RGR: variants seen among roughly 807,000 people sequenced by gnomAD.
RGR encodes RPE-retinal G protein-coupled receptor.
Under a neutral mutation model 28.6 loss-of-function variants are expected in RGR, and 30 were observed. The observed-to-expected ratio is 1.05, with a 90% CI of 0.78 to 1.42. The LOEUF is 1.42. RGR is among the 40% of genes most tolerant of loss of function. The probability of loss-of-function intolerance (pLI) is 0.00; values close to 1 mark genes in which losing one functional copy is unlikely to be tolerated. For synonymous variants in RGR, 180 were observed against 156.4 expected (o/e 1.15, Z -1.13); for missense variants, 404 against 375.6 (o/e 1.08, Z -0.62).
chr10:84,252,262 T>A (rs766596511), intron 3 of RGR, among the ~76,000 whole-genome samples: 1 of 152,186 alleles, frequency 6.6e-6, no homozygotes, highest in Non-Finnish European at 1.5e-5. Context: ...GAGGGTGTCC[T>A]GGAAGCAGGG....
chr10:84,257,263 C>T (rs1177627415), intron 5 of RGR, among the ~76,000 whole-genome samples: 1 of 152,194 alleles, frequency 6.6e-6, no homozygotes, highest in East Asian at 1.9e-4. Flanking sequence ...GCATCTCCCG[C>T]TCTCTGGACA....
intron 3 of RGR, 27 bp downstream of exon 3, chr10:84,249,070 G>A: frequency 6.2e-7 from 1 of 1,613,328 alleles, no homozygotes; most frequent in Non-Finnish European, 8.5e-7. Flanking sequence ...CTGGAGTGGA[G>A]GGACACCGAT....
chr10:84,254,650 G>A (rs1387219162), intron 5 of RGR, among the ~76,000 whole-genome samples: 2 of 152,182 alleles, frequency 1.3e-5, no homozygotes, highest in Non-Finnish European at 2.9e-5. Flanking sequence ...CACCAGTTTG[G>A]TGTATTTTGG....
intron 6 of RGR, among the ~76,000 whole-genome samples, chr10:84,258,235 G>A (rs1033293217): frequency 5.9e-5 from 9 of 152,124 alleles, no homozygotes; most frequent in African/African-American, 2.2e-4. Context: ...CATGTGAGAT[G>A]ACAGGGACAG....
Position 84,258,608 on chromosome 10 carries a change from C to T in RGR, c.845C>T (p.Pro282Leu), listed in dbSNP as rs200927654. ...AGGGGAATCTGGCAGTGCCTCTCAC[C>T]GCAGAAGAGGGAGAAGGACCGAACC... ...VCRGIWQCLS[P>L]QKREKDRTK is the part of the protein sequence containing the mutation. Residue 282 changes from proline to leucine, a missense_variant, in exon 7 of 7, where the codon CCG (proline) becomes CTG (leucine). Transcript: ENST00000652092. 136 of 1,614,184 alleles carry T rather than the reference C, an allele frequency of 8.4e-5. 1 individual carries two copies. Among genetic ancestry groups the T allele is most frequent in the Non-Finnish European group, 1.0e-4 (123 of 1,180,040 alleles).
At chr10:84,251,983 C>T (rs1451640152) in intron 3 of RGR, among the ~76,000 whole-genome samples, 1 of 152,200 alleles carries the variant, frequency 6.6e-6, no homozygotes, top group Non-Finnish European at 1.5e-5. Context: ...GAGAACTGTC[C>T]TCTGCCCTGG....
chr10:84,254,414 C>T lies in RGR; in HGVS notation c.601C>T (p.Gln201Ter). The T allele has an allele frequency of 6.2e-6, 10 of 1,614,164 alleles. No individual in the cohort carries two copies. The highest frequency in any genetic ancestry group is 1.3e-5 in the African/African-American group (1 of 75,044). The change falls in exon 5 of 7, where the codon CAG becomes TAG. Residue 201 changes from glutamine (Q) to a stop codon, truncating the protein, a stop_gained. Transcript: ENST00000652092. LOFTEE classifies it high-confidence loss of function. ...GATCACTTCCTACAGTCTCATGGAG[C>T]AGAAACTGGGGAAGAGTGGCCATCT... Reference protein sequence around the residue: ...ITITSYSLMEQKLGKSGHLQV... With the variant: ...ITITSYSLME
At chr10:84,248,311 A>G (rs1200670657) in intron 2 of RGR, 1 of 587,498 alleles carries the variant, frequency 1.7e-6, no homozygotes, top group African/African-American at 2.0e-5. Flanking sequence ...ACCTCCTTAT[A>G]CAAAAACCAG....
At chr10:84,249,109 G>A in intron 3 of RGR, 66 bp downstream of exon 3, 3 of 1,600,820 alleles carry the variant, frequency 1.9e-6, no homozygotes, top group Non-Finnish European at 2.6e-6. Context: ...GAGGCAGGGA[G>A]GGGCAGTCAT....
intron 3 of RGR, among the ~76,000 whole-genome samples, chr10:84,249,529 T>G (rs1842789939): frequency 6.6e-6 from 1 of 152,176 alleles, no homozygotes; most frequent in African/African-American, 2.4e-5. Flanking sequence ...GCTAGGCTGG[T>G]CTTGAACTCC....
intron 5 of RGR, among the ~76,000 whole-genome samples, chr10:84,256,984 GT>G (rs1019095648): frequency 5.9e-4 from 89 of 151,760 alleles, no homozygotes; most frequent in African/African-American, 1.9e-3. Context: ...TTGTTCGTGG[GT>G]TTTTTTTTCC....
intron 3 of RGR, among the ~76,000 whole-genome samples, chr10:84,249,422 T>G (rs1842788440): frequency 6.6e-6 from 1 of 152,154 alleles, no homozygotes. Flanking sequence ...AAGTGATTCT[T>G]TTGCCTCAGC....
rs1842928342 is a variant in RGR, at chr10:84,259,521, T to C, written c.*882T>C. The stretch of plus-strand genomic sequence containing the variant: ...CAGTCCCACCAACAGTGTATAGGTG[T>C]TCCCTTTTCTCTGCATCCTTACCAA... On this transcript the variant is annotated 3_prime_UTR_variant, in exon 7 of 7. Transcript: ENST00000652092. 6.6e-6 allele frequency: 1 copy of C among 152,140 alleles called. No homozygotes were observed. The highest frequency in any genetic ancestry group is 2.1e-4 in the South Asian group (1 of 4,822). The allele number at this position is 152,140 out of a possible 1,614,324, so 9.4% of individuals were successfully genotyped here.
chr10:84,257,171 T>C (rs1842898928), intron 5 of RGR, among the ~76,000 whole-genome samples: 1 of 152,240 alleles, frequency 6.6e-6, no homozygotes, highest in South Asian at 2.1e-4. Context: ...TCCGCGTGTT[T>C]GTGCGGGGCT....
At chr10:84,252,806 A>C in intron 3 of RGR, 51 bp from the exon 4 acceptor site, 1 of 1,610,844 alleles carries the variant, frequency 6.2e-7, no homozygotes, top group Middle Eastern at 1.7e-4. Context: ...TTCTCACTCT[A>C]TCAGGCCATC....
At chr10:84,247,270 C>T (rs574256116) in intron 1 of RGR, among the ~76,000 whole-genome samples, 4 of 152,264 alleles carry the variant, frequency 2.6e-5, no homozygotes, top group Non-Finnish European at 5.9e-5. Context: ...CCAGCTCCAC[C>T]GCTTACTAGC....
chr10:84,251,468 G>A (rs926998149), intron 3 of RGR, among the ~76,000 whole-genome samples: 1 of 152,158 alleles, frequency 6.6e-6, no homozygotes, highest in Non-Finnish European at 1.5e-5. Context: ...TTCGGTGAGG[G>A]CTTGATTCTT....
intron 5 of RGR, among the ~76,000 whole-genome samples, chr10:84,255,989 G>C (rs1380766985): frequency 7.6e-6 from 1 of 131,016 alleles, no homozygotes; most frequent in Non-Finnish European, 1.6e-5. Flanking sequence ...CTCCTAAATT[G>C]TTGGGATATA....
chr10:84,255,718 C>CTTTTT (rs71013305), intron 5 of RGR, among the ~76,000 whole-genome samples: 18 of 102,840 alleles, frequency 1.8e-4, no homozygotes, highest in South Asian at 1.0e-3. Flanking sequence ...GGTTTTCTTT[C>CTTTTT]TTTTTTTTTT....
Sources: allele counts gnomAD v4.1 joint callset (sites outside exome capture counted in the v4.1 genomes callset), GRCh38; gene constraint gnomAD v4.1.1; transcripts MANE v1.5; gene names NCBI Gene and HGNC (gene_info 2026-07-23, HGNC 2026-07-21).